RGS7: variants seen among roughly 807,000 people sequenced by gnomAD.
RGS7 encodes regulator of G protein signaling 7.
RGS7 carries 27 observed loss-of-function variants against 81.1 expected under a neutral mutation model. That is an observed-to-expected ratio of 0.33 (90% CI 0.25 to 0.46). RGS7 has a LOEUF of 0.46. Ranked by LOEUF, RGS7 falls within the 20% of genes least tolerant of loss-of-function variation. The probability of loss-of-function intolerance (pLI) is 1.00; values close to 1 mark genes in which losing one functional copy is unlikely to be tolerated. For synonymous variants in RGS7, 208 were observed against 207.7 expected (o/e 1.00, Z -0.01); for missense variants, 396 against 607.4 (o/e 0.65, Z 3.66).
At chr1:240,835,257 C>T (rs868268081) in intron 9 of RGS7, among the ~76,000 whole-genome samples, 45 of 152,318 alleles carry the variant, frequency 3.0e-4, no homozygotes, top group African/African-American at 1.0e-3. Flanking sequence ...GAAGATACCA[C>T]AACCCAATTA....
Position 241,297,546 on chromosome 1 carries a change from A to T in RGS7, c.78+58153T>A, listed in dbSNP as rs183213855. On this transcript the variant is annotated intron_variant, in intron 2 of 18. Transcript: ENST00000440928. ...TTTCATTTCAGAAAGTTAGAAATTT[A>T]TTAAGCAAATAAGACAGGCCATGTC... Among the ~76,000 whole-genome samples, 40 of 152,360 alleles carry T rather than the reference A, an allele frequency of 2.6e-4. 1 individual carries two copies. In the East Asian group the frequency reaches 7.7e-3, roughly 29 times the overall value.
intron 2 of RGS7, among the ~76,000 whole-genome samples, chr1:241,274,261 C>A (rs1354829215): frequency 6.6e-6 from 1 of 152,146 alleles, no homozygotes. Flanking sequence ...GGTACTAGTA[C>A]TTGGTAGTCA....
chr1:241,182,724 G>A (rs923322651), intron 2 of RGS7, among the ~76,000 whole-genome samples: 4 of 148,048 alleles, frequency 2.7e-5, no homozygotes, highest in African/African-American at 1.0e-4. Flanking sequence ...TCTCGGCTCA[G>A]TGCAACCTCC....
At chr1:240,956,360 A>G (rs555933644) in intron 4 of RGS7, among the ~76,000 whole-genome samples, 214 of 132,506 alleles carry the variant, frequency 1.6e-3, no homozygotes, top group African/African-American at 5.6e-3. Flanking sequence ...ATTATATCCC[A>G]AAGTACCAAA....
At chr1:241,223,758 C>T (rs1013623647) in intron 2 of RGS7, among the ~76,000 whole-genome samples, 2 of 151,326 alleles carry the variant, frequency 1.3e-5, no homozygotes. Context: ...AGAAGACCTT[C>T]TAATAATTAG....
chr1:241,064,717 C>A (rs1364564701), intron 3 of RGS7, among the ~76,000 whole-genome samples: 2 of 151,176 alleles, frequency 1.3e-5, no homozygotes, highest in African/African-American at 2.4e-5. Flanking sequence ...CAACATAAGA[C>A]CTCATTTAAA....
intron 6 of RGS7, among the ~76,000 whole-genome samples, chr1:240,879,069 G>A (rs1424876297): frequency 1.3e-5 from 2 of 152,174 alleles, no homozygotes; most frequent in African/African-American, 2.4e-5. Context: ...TACTTGTCCA[G>A]TAATGTACAA....
intron 6 of RGS7, among the ~76,000 whole-genome samples, chr1:240,917,420 G>C (rs1262441661): frequency 6.6e-6 from 1 of 152,114 alleles, no homozygotes; most frequent in Non-Finnish European, 1.5e-5. Context: ...CAGCAACAAT[G>C]CAATTGGTGG....
intron 9 of RGS7, among the ~76,000 whole-genome samples, chr1:240,828,385 G>T (rs1349319923): frequency 6.6e-6 from 1 of 152,200 alleles, no homozygotes; most frequent in Non-Finnish European, 1.5e-5. Flanking sequence ...TAGCTTAAAT[G>T]TAGAAAGGGC....
chr1:240,901,897 T>C (rs989426996), intron 6 of RGS7, among the ~76,000 whole-genome samples: 1 of 152,200 alleles, frequency 6.6e-6, no homozygotes, highest in Non-Finnish European at 1.5e-5. Flanking sequence ...AGTTATATAT[T>C]TTCTCTGATA....
At position 241,004,055 on chromosome 1, in the gene RGS7, C is replaced by T. The variant is rs141218956; in HGVS notation, c.176-20926G>A. Reference sequence around the variant, plus strand: ...TAAACCAGATTCATTTAGGACTCTGCTGGGCACTGCGAGGGAATAACATAA... The same window carrying T: ...TAAACCAGATTCATTTAGGACTCTGTTGGGCACTGCGAGGGAATAACATAA... On this transcript the variant is annotated intron_variant, in intron 3 of 18. Coordinates refer to ENST00000440928, the MANE Select transcript of RGS7 (RefSeq NM_001364886.1). Among the ~76,000 whole-genome samples the T allele has an allele frequency of 1.4e-4, 22 of 152,312 alleles. No homozygotes were observed. In the East Asian group the frequency reaches 2.9e-3, roughly 20 times the overall value.
At chr1:240,930,162 A>G (rs534127695) in intron 6 of RGS7, among the ~76,000 whole-genome samples, 2 of 151,894 alleles carry the variant, frequency 1.3e-5, no homozygotes, top group East Asian at 3.9e-4. Flanking sequence ...ATGGCTGTTG[A>G]ACCAAGTTTG....
rs1179103785 is a variant in RGS7 at position 241,355,795 on chromosome 1, C to A, written c.-19G>T. 6.2e-7 allele frequency: 1 copy of A among 1,610,226 alleles called. No individual in the cohort carries two copies. The stretch of plus-strand genomic sequence containing the variant: ...GGGCCATGTCACCCAAAACTTGGTC[C>A]ACTCTCAAGATACAAGAATTATCAG... On this transcript the variant is annotated 5_prime_UTR_variant, in exon 2 of 19. Transcript: ENST00000440928.
intron 2 of RGS7, among the ~76,000 whole-genome samples, chr1:241,263,864 G>T (rs1260395176): frequency 6.6e-6 from 1 of 152,058 alleles, no homozygotes. Context: ...ACCAGGCCTG[G>T]GTGCTCTTAT....
In RGS7 at chr1:241,164,105, T is replaced by C. The variant is rs952340715; in HGVS notation, c.79-65343A>G. 6.6e-6 allele frequency among the ~76,000 whole-genome samples: 1 copy of C among 152,092 alleles called. No individual in the cohort carries two copies. The highest frequency in any genetic ancestry group is 1.5e-5 in the Non-Finnish European group (1 of 68,026). ...GCTTTCTGAACCTAGGGAACACTTA[T>C]GCTTACTGGTTTATTATAAAGGATA... is the stretch of plus-strand genomic sequence containing the variant. On this transcript the variant is annotated intron_variant, in intron 2 of 18. Transcript: ENST00000440928. This position sits in a 1 kb window ranked among gnomAD's most constrained non-coding sequence, Gnocchi z 4.1.
chr1:241,132,954 G>A (rs1169329168), intron 2 of RGS7, among the ~76,000 whole-genome samples: 1 of 151,970 alleles, frequency 6.6e-6, no homozygotes, highest in African/African-American at 2.4e-5. Context: ...AGTAGAGATG[G>A]GGTTTCACCG....
At chr1:240,823,397 C>A in intron 10 of RGS7, 1 of 420,230 alleles carries the variant, frequency 2.4e-6, no homozygotes, top group South Asian at 2.0e-5. Flanking sequence ...AAGCCCCGCA[C>A]CACTTGGGCC....
chr1:240,818,934 T>A (rs1427596904), intron 10 of RGS7, among the ~76,000 whole-genome samples: 1 of 152,220 alleles, frequency 6.6e-6, no homozygotes, highest in East Asian at 1.9e-4. Flanking sequence ...GGATTTTAAA[T>A]GTTCTTGCCA....
intron 4 of RGS7, among the ~76,000 whole-genome samples, chr1:240,974,138 G>A (rs1683710653): frequency 6.6e-6 from 1 of 152,156 alleles, no homozygotes; most frequent in Admixed American, 6.5e-5. Context: ...TGATCCAGTT[G>A]TTTGATGGTG....
Sources: allele counts gnomAD v4.1 joint callset (sites outside exome capture counted in the v4.1 genomes callset), GRCh38; gene constraint gnomAD v4.1.1; non-coding constraint Gnocchi (gnomAD v3.1); transcripts MANE v1.5; gene names NCBI Gene and HGNC (gene_info 2026-07-23, HGNC 2026-07-21).